The following STRBP variants were observed in gnomAD, a reference collection of about 807,000 sequenced individuals.
STRBP encodes the protein spermatid perinuclear RNA binding protein, also known as spermatid perinuclear RNA-binding protein.
STRBP carries 13 observed loss-of-function variants against 80.1 expected under a neutral mutation model. That is an observed-to-expected ratio of 0.16 (90% CI 0.11 to 0.26). The LOEUF is 0.26. STRBP is among the 10% of genes least tolerant of loss of function. The pLI is 1.00. For synonymous variants in STRBP, 284 were observed against 291.2 expected (o/e 0.98, Z 0.25); for missense variants, 485 against 815.2 (o/e 0.59, Z 4.93).
chr9:123,109,973 G>A (rs2035537564), intron 3 of STRBP: 1 of 152,150 alleles, frequency 6.6e-6, no homozygotes, highest in Admixed American at 6.5e-5. Context: ...AACCAACTTG[G>A]TCTTCAGTAG....
chr9:123,200,770 A>G (rs1588089958), intron 2 of STRBP, among the ~76,000 whole-genome samples: 1 of 4,098 alleles, frequency 2.4e-4, no homozygotes, highest in Admixed American at 4.2e-3. Context: ...TTTAGTAGAG[A>G]CCAGGTTTCA....
intron 2 of STRBP, among the ~76,000 whole-genome samples, chr9:123,197,525 T>C (rs568202892): frequency 2.0e-5 from 3 of 152,134 alleles, no homozygotes; most frequent in Non-Finnish European, 4.4e-5. Context: ...TCTGAGTCTC[T>C]AAAATTCATT....
At chr9:123,240,307 A>C (rs1191435298) in intron 1 of STRBP, among the ~76,000 whole-genome samples, 2 of 152,202 alleles carry the variant, frequency 1.3e-5, no homozygotes. Context: ...TTATATTATT[A>C]TGTATAAAAA....
At chr9:123,218,551 A>G (rs2039974394) in intron 2 of STRBP, among the ~76,000 whole-genome samples, 1 of 150,750 alleles carries the variant, frequency 6.6e-6, no homozygotes, top group Non-Finnish European at 1.5e-5. Context: ...TTGTATTTTT[A>G]GTAGAGACGG....
intron 3 of STRBP, among the ~76,000 whole-genome samples, chr9:123,181,294 T>C (rs184594386): frequency 1.3e-5 from 2 of 152,110 alleles, no homozygotes; most frequent in Non-Finnish European, 2.9e-5. Flanking sequence ...AAAAGAGCCA[T>C]AGAGTTGGAA....
chr9:123,148,788 A>G (rs1422050123), intron 11 of STRBP, among the ~76,000 whole-genome samples: 6 of 152,172 alleles, frequency 3.9e-5, no homozygotes, highest in African/African-American at 1.4e-4. Context: ...CCTATTTCAT[A>G]TATTCTTGTG....
chr9:123,151,730 G>C (rs2037065747), intron 11 of STRBP, among the ~76,000 whole-genome samples: 1 of 151,932 alleles, frequency 6.6e-6, no homozygotes, highest in Non-Finnish European at 1.5e-5. Context: ...TAAAATAAGA[G>C]GATGAAAAAT....
At chr9:123,182,474 A>C (rs1292228510) in intron 3 of STRBP, among the ~76,000 whole-genome samples, 1 of 152,218 alleles carries the variant, frequency 6.6e-6, no homozygotes, top group Non-Finnish European at 1.5e-5. Flanking sequence ...TTTAGTTGTA[A>C]GAATATCAAG....
rs749566439 is a variant in STRBP, at chr9:123,179,000, C to G, written c.224+7G>C. 1 of 1,613,914 alleles carries G rather than the reference C, an allele frequency of 6.2e-7. No individual in the cohort carries two copies. Among genetic ancestry groups the G allele is most frequent in the South Asian group, 1.1e-5 (1 of 91,060 alleles). On this transcript the variant is annotated splice_region_variant and intron_variant, in intron 4 of 18. Coordinates refer to ENST00000348403, the MANE Select transcript of STRBP (RefSeq NM_018387.5). ...GCACAGCGTCCCAGAGGTCAGTCCA[C>G]ACTCACTTGGAATAGTTTTCTCCGG...
intron 11 of STRBP, among the ~76,000 whole-genome samples, chr9:123,154,201 C>G (rs747667785): frequency 6.6e-6 from 1 of 152,146 alleles, no homozygotes; most frequent in African/African-American, 2.4e-5. Flanking sequence ...AGAACCTAAA[C>G]GTCCTTCAAA....
intron 3 of STRBP, chr9:123,180,808 G>T (rs1323009372): frequency 4.2e-6 from 2 of 474,082 alleles, no homozygotes; most frequent in African/African-American, 4.2e-5. Flanking sequence ...ATAACTTAGT[G>T]AGTTTTCCAT....
chr9:123,256,845 A>T (rs910125707), intron 1 of STRBP, among the ~76,000 whole-genome samples: 2 of 151,940 alleles, frequency 1.3e-5, no homozygotes, highest in African/African-American at 4.8e-5. Context: ...AAACCCACAC[A>T]GACATGGGGA....
At chr9:123,262,642 T>G (rs561253893) in intron 1 of STRBP, among the ~76,000 whole-genome samples, 1 of 152,318 alleles carries the variant, frequency 6.6e-6, no homozygotes, top group African/African-American at 2.4e-5. Flanking sequence ...AAAGCAGATG[T>G]TTTACACAGC....
intron 1 of STRBP, among the ~76,000 whole-genome samples, chr9:123,267,781 C>G (rs566175810): frequency 5.9e-4 from 89 of 151,238 alleles, no homozygotes; most frequent in African/African-American, 2.0e-3. Context: ...CAGTCCTGCT[C>G]GAGTCCCCAG....
chr9:123,252,692 T>C (rs2040941768), intron 1 of STRBP, among the ~76,000 whole-genome samples: 1 of 152,260 alleles, frequency 6.6e-6, no homozygotes, highest in Non-Finnish European at 1.5e-5. Context: ...AAGACATTTG[T>C]AGATGGCTGC....
chr9:123,169,448 G>C (rs1005044439), intron 6 of STRBP, among the ~76,000 whole-genome samples: 4 of 152,100 alleles, frequency 2.6e-5, no homozygotes, highest in African/African-American at 9.7e-5. Flanking sequence ...TGGGATTACA[G>C]GCATGAGCGA....
At chr9:123,116,275 C>T (rs1197717297) in intron 2 of STRBP, among the ~76,000 whole-genome samples, 1 of 152,128 alleles carries the variant, frequency 6.6e-6, no homozygotes, top group Non-Finnish European at 1.5e-5. Context: ...GGCCAAAAAC[C>T]AAAGTGTGGA....
downstream of STRBP, among the ~76,000 whole-genome samples, chr9:123,119,466 A>G (rs2035695991): frequency 6.8e-6 from 1 of 147,964 alleles, no homozygotes; most frequent in Admixed American, 6.9e-5. Context: ...TAACAGACAC[A>G]TGAGCAACTT....
chr9:123,219,427 C>T (rs2040003215), intron 2 of STRBP, among the ~76,000 whole-genome samples: 1 of 152,186 alleles, frequency 6.6e-6, no homozygotes, highest in Non-Finnish European at 1.5e-5. Context: ...TTGCATTAAA[C>T]TCTTTTAGTA....
Sources: allele counts gnomAD v4.1 joint callset (sites outside exome capture counted in the v4.1 genomes callset), GRCh38; gene constraint gnomAD v4.1.1; transcripts MANE v1.5; gene names NCBI Gene and HGNC (gene_info 2026-07-23, HGNC 2026-07-21).